Variants in NRG3 observed in about 807,000 individuals in gnomAD.
NRG3 encodes the protein pro-neuregulin-3, membrane-bound isoform.
In NRG3, 31 loss-of-function variants were observed where a neutral mutation model predicts 66.9. That is an observed-to-expected ratio of 0.46 (90% CI 0.35 to 0.63). The LOEUF (loss-of-function observed/expected upper bound fraction) is 0.63, where lower values mean the gene tolerates loss of function less well. NRG3 is among the 20% of genes least tolerant of loss of function. NRG3 has a pLI of 0.00. For missense variants in NRG3, 910 were observed against 878.9 expected (o/e 1.04, Z -0.45); for synonymous variants, 393 against 359.4 (o/e 1.09, Z -1.06).
intron 3 of NRG3, among the ~76,000 whole-genome samples, chr10:82,778,904 G>A (rs745310625): frequency 5.7e-4 from 86 of 152,090 alleles, no homozygotes; most frequent in African/African-American, 1.8e-3. Context: ...ACTGGGATGC[G>A]GGGGAGGGAT....
chr10:81,875,868 G>T lies in NRG3; in HGVS notation c.528G>T (p.Arg176=). The T allele has an allele frequency of 6.2e-7, 1 of 1,610,560 alleles. No individual in the cohort carries two copies. The highest frequency in any genetic ancestry group is 8.5e-7 in the Non-Finnish European group (1 of 1,179,738). Residue 176 remains arginine (R), a synonymous_variant, in exon 1 of 9, where the codon CGG becomes CGT. Coordinates refer to ENST00000372141, the MANE Select transcript of NRG3 (RefSeq NM_001010848.4). This position sits in a 1 kb window ranked among gnomAD's most constrained non-coding sequence, Gnocchi z 5.3. ...TRFPGHRVPI[R]ASPRSTTARN... ...TCCCCGGGCACCGGGTGCCCATCCG[G>T]GCCAGCCCGCGCTCCACCACAGCAC...
At chr10:82,354,388 AG>A (rs1458593272) in intron 1 of NRG3, among the ~76,000 whole-genome samples, 1 of 136,204 alleles carries the variant, frequency 7.3e-6, no homozygotes, top group Non-Finnish European at 1.5e-5. Context: ...TGTATAAAAA[AG>A]TTGTCCTTTT....
intron 2 of NRG3, among the ~76,000 whole-genome samples, chr10:82,494,973 C>T (rs1324578929): frequency 6.6e-6 from 1 of 151,394 alleles, no homozygotes; most frequent in Non-Finnish European, 1.5e-5. Context: ...CAGTGTCTTG[C>T]TCTGTCACCC....
chr10:82,373,842 A>G (rs1038216205), intron 2 of NRG3, among the ~76,000 whole-genome samples: 4 of 152,182 alleles, frequency 2.6e-5, no homozygotes, highest in East Asian at 3.9e-4. Flanking sequence ...CTGGGTTAGC[A>G]TATGTGAAAG....
intron 1 of NRG3, among the ~76,000 whole-genome samples, chr10:81,900,814 A>T (rs1589396362): frequency 1.3e-5 from 2 of 152,352 alleles, no homozygotes; most frequent in East Asian, 3.9e-4. Flanking sequence ...GTTATTATTT[A>T]TGCAGAAATA....
intron 2 of NRG3, among the ~76,000 whole-genome samples, chr10:82,467,477 A>C (rs1434530342): frequency 6.6e-6 from 1 of 152,212 alleles, no homozygotes; most frequent in African/African-American, 2.4e-5. Flanking sequence ...GACAATTTGC[A>C]GTCCTGGAAA....
intron 1 of NRG3, among the ~76,000 whole-genome samples, chr10:82,325,075 T>G (rs1219415644): frequency 6.6e-6 from 1 of 152,230 alleles, no homozygotes; most frequent in Admixed American, 6.5e-5. Flanking sequence ...CTTCATATAT[T>G]TTGAAGTTCT....
rs201553977 is a variant in NRG3 at position 82,379,643 on chromosome 10, G to A, written c.953+20775G>A. 4.2e-3 allele frequency among the ~76,000 whole-genome samples: 645 copies of A among 152,232 alleles called. 6 individuals carry two copies. The highest frequency in any genetic ancestry group is 0.015 in the African/African-American group (633 of 41,538). The stretch of plus-strand genomic sequence containing the variant: ...TGAAATTTTATATTTTGACTCAAAT[G>A]TAGAATTTGGGGAAGAAGGACTCTG... On this transcript the variant is annotated intron_variant, in intron 2 of 8. Coordinates refer to ENST00000372141, the MANE Select transcript of NRG3 (RefSeq NM_001010848.4).
intron 1 of NRG3, among the ~76,000 whole-genome samples, chr10:82,056,226 A>G (rs956462785): frequency 3.3e-5 from 5 of 152,220 alleles, no homozygotes; most frequent in African/African-American, 1.2e-4. Context: ...TACTTGAGCA[A>G]GAGAATTATT....
At chr10:82,156,879 G>A (rs374543812) in intron 1 of NRG3, among the ~76,000 whole-genome samples, 8 of 151,616 alleles carry the variant, frequency 5.3e-5, no homozygotes, top group African/African-American at 1.7e-4. Context: ...TATCCCATAA[G>A]AAGAAACTAT....
intron 1 of NRG3, among the ~76,000 whole-genome samples, chr10:82,206,786 C>T (rs2075140103): frequency 6.6e-6 from 1 of 152,110 alleles, no homozygotes. Context: ...CAGGATATTC[C>T]TTCTCACTTT....
At chr10:81,894,042 A>G (rs1395649811) in intron 1 of NRG3, among the ~76,000 whole-genome samples, 1 of 152,198 alleles carries the variant, frequency 6.6e-6, no homozygotes, top group Admixed American at 6.5e-5. Flanking sequence ...TGGACTATGC[A>G]TGGAAATTTA....
At chr10:82,513,426 T>C (rs979501631) in intron 2 of NRG3, among the ~76,000 whole-genome samples, 11 of 152,240 alleles carry the variant, frequency 7.2e-5, no homozygotes, top group African/African-American at 2.7e-4. Flanking sequence ...TATGCGTGCA[T>C]GTATCTGTAT....
chr10:81,884,098 A>G (rs942490980), intron 1 of NRG3, among the ~76,000 whole-genome samples: 1 of 152,218 alleles, frequency 6.6e-6, no homozygotes, highest in Non-Finnish European at 1.5e-5. Flanking sequence ...TAATTTGCCT[A>G]GGACTTGCAG....
At chr10:82,436,577 CA>C (rs2090153309) in intron 2 of NRG3, among the ~76,000 whole-genome samples, 1 of 152,102 alleles carries the variant, frequency 6.6e-6, no homozygotes, top group Non-Finnish European at 1.5e-5. Flanking sequence ...ATCCTGTCAT[CA>C]TGCTGCTATT....
chr10:82,315,603 T>A (rs149366623), intron 1 of NRG3, among the ~76,000 whole-genome samples: 181 of 152,132 alleles, frequency 1.2e-3, no homozygotes, highest in African/African-American at 4.3e-3. Flanking sequence ...CTGCTAAAAC[T>A]GTATGATTAT....
chr10:82,481,522 A>C (rs1192427556), intron 2 of NRG3, among the ~76,000 whole-genome samples: 1 of 152,158 alleles, frequency 6.6e-6, no homozygotes, highest in African/African-American at 2.4e-5. Context: ...GGTCAAAATG[A>C]TTACTCTATT....
intron 2 of NRG3, among the ~76,000 whole-genome samples, chr10:82,608,396 G>A (rs2133467256): frequency 6.6e-6 from 1 of 152,238 alleles, no homozygotes; most frequent in African/African-American, 2.4e-5. Flanking sequence ...GTAGACGTCT[G>A]TGTCTTTCTT....
chr10:82,044,822 T>A (rs1428800690), intron 1 of NRG3, among the ~76,000 whole-genome samples: 1 of 152,088 alleles, frequency 6.6e-6, no homozygotes. Flanking sequence ...AAGTGTTTGG[T>A]TTTTTGTCCT....
Sources: allele counts gnomAD v4.1 joint callset (sites outside exome capture counted in the v4.1 genomes callset), GRCh38; gene constraint gnomAD v4.1.1; non-coding constraint Gnocchi (gnomAD v3.1); transcripts MANE v1.5; gene names NCBI Gene and HGNC (gene_info 2026-07-23, HGNC 2026-07-21).